The following SIPA1L3 variants were observed in gnomAD, a reference collection of about 807,000 sequenced individuals.
SIPA1L3 encodes the protein signal-induced proliferation-associated 1-like protein 3.
Under a neutral mutation model 150.1 loss-of-function variants are expected in SIPA1L3, and 59 were observed. The observed-to-expected ratio is 0.39, with a 90% CI of 0.32 to 0.49. The LOEUF (loss-of-function observed/expected upper bound fraction) is 0.49, where lower values mean the gene tolerates loss of function less well. Ranked by LOEUF, SIPA1L3 falls within the 20% of genes least tolerant of loss-of-function variation. SIPA1L3 has a pLI of 0.86. For missense variants in SIPA1L3, 2,211 were observed against 2,489.5 expected, an observed-to-expected ratio of 0.89 and a Z score of 2.38; for synonymous variants, 1,070 against 1,077.6, an observed-to-expected ratio of 0.99 and a Z score of 0.14.
intron 1 of SIPA1L3, among the ~76,000 whole-genome samples, chr19:37,995,429 A>T (rs1967613558): frequency 6.6e-6 from 1 of 152,104 alleles, no homozygotes; most frequent in African/African-American, 2.4e-5. Context: ...ATTCCCACAG[A>T]GCCTGCAGTT....
chr19:37,977,522 G>GC (rs1967103304), intron 1 of SIPA1L3, among the ~76,000 whole-genome samples: 1 of 152,150 alleles, frequency 6.6e-6, no homozygotes, highest in Non-Finnish European at 1.5e-5. Flanking sequence ...GCAAGAGGAA[G>GC]CCATTGGCCC....
chr19:37,918,916 A>AAAT (rs2046435551), intron 1 of SIPA1L3, among the ~76,000 whole-genome samples: 1 of 109,556 alleles, frequency 9.1e-6, no homozygotes, highest in Non-Finnish European at 1.8e-5. Context: ...ATAAATAAAT[A>AAAT]AACAAACTGC....
At chr19:38,093,880 G>T (rs779855040) in intron 4 of SIPA1L3, among the ~76,000 whole-genome samples, 1 of 152,190 alleles carries the variant, frequency 6.6e-6, no homozygotes, top group African/African-American at 2.4e-5. Context: ...GCCTGGACAG[G>T]GTGAGCGCCA....
At chr19:37,959,317 C>T (rs2046837354) in intron 1 of SIPA1L3, among the ~76,000 whole-genome samples, 1 of 152,040 alleles carries the variant, frequency 6.6e-6, no homozygotes, top group Non-Finnish European at 1.5e-5. Context: ...CGATATAGAC[C>T]CACAATGGTA....
intron 1 of SIPA1L3, among the ~76,000 whole-genome samples, chr19:37,983,160 CAT>C (rs575285380): frequency 1.4e-3 from 211 of 152,300 alleles, no homozygotes; most frequent in South Asian, 2.3e-3. Context: ...ATAAATGACT[CAT>C]GTGATGGAAC....
chr19:37,919,705 C>CTTTTTTT (rs10644508), intron 1 of SIPA1L3, among the ~76,000 whole-genome samples: 12 of 84,242 alleles, frequency 1.4e-4, no homozygotes, highest in African/African-American at 3.5e-4. Context: ...GGCCCTGAGG[C>CTTTTTTT]TTTTTTTTTT....
At chr19:38,076,732 C>T (rs1277238552) in intron 2 of SIPA1L3, among the ~76,000 whole-genome samples, 2 of 152,100 alleles carry the variant, frequency 1.3e-5, no homozygotes, top group East Asian at 1.9e-4. Context: ...TATGTGCCAT[C>T]GATGGAGATC....
intron 1 of SIPA1L3, among the ~76,000 whole-genome samples, chr19:37,916,726 G>C (rs2046418014): frequency 6.6e-6 from 1 of 152,110 alleles, no homozygotes; most frequent in Admixed American, 6.6e-5. Context: ...TTGGGAGGCT[G>C]ACGCGGGTGG....
chr19:38,043,567 G>A (rs554351746), intron 2 of SIPA1L3, among the ~76,000 whole-genome samples: 8 of 152,284 alleles, frequency 5.3e-5, no homozygotes, highest in African/African-American at 1.9e-4. Flanking sequence ...AACACATCAG[G>A]CCCAAGAGGT....
At chr19:38,068,452 A>T (rs1179072617) in intron 2 of SIPA1L3, among the ~76,000 whole-genome samples, 2 of 152,206 alleles carry the variant, frequency 1.3e-5, no homozygotes, top group Admixed American at 6.5e-5. Flanking sequence ...CACTCATTTG[A>T]ACGATTTCAT....
At position 38,081,958 on chromosome 19, in the gene SIPA1L3, T is replaced by C. The variant is rs757204097; in HGVS notation, c.393T>C (p.Ala131=). Residue 131 remains alanine, a synonymous_variant, in exon 3 of 22, where the codon GCT becomes GCC. Transcript: ENST00000222345. ...GACAGCCCCCCACCAGCACCCCGGC[T>C]TCCTCAGGGTCCAAAGCCTTCCACC... ...QNGQPPTSTP[A]SSGSKAFHRL... The C allele has an allele frequency of 8.1e-6, 13 of 1,613,920 alleles. No individual in the cohort carries two copies. The African/African-American group carries it at 9.3e-5, about 12-fold the overall frequency.
At chr19:38,063,086 A>G (rs1969486708) in intron 2 of SIPA1L3, among the ~76,000 whole-genome samples, 1 of 152,142 alleles carries the variant, frequency 6.6e-6, no homozygotes, top group African/African-American at 2.4e-5. Flanking sequence ...CTTCAGTGCA[A>G]TGGTTTGTGT....
At chr19:37,966,616 A>G (rs1306730894) in intron 1 of SIPA1L3, among the ~76,000 whole-genome samples, 2 of 152,130 alleles carry the variant, frequency 1.3e-5, no homozygotes, top group African/African-American at 4.8e-5. Context: ...CCTGCCAGCC[A>G]TCTGGGATGG....
rs552036744 is a variant in SIPA1L3, at chr19:37,994,478, C to T, written c.-378-34611C>T. 2.6e-5 allele frequency among the ~76,000 whole-genome samples: 4 copies of T among 152,202 alleles called. No homozygotes were observed. The South Asian group carries it at 8.3e-4, about 32-fold the overall frequency. ...TCCCTCAGGAGGTTGCTGAGCTGTT[C>T]GGCCCCCTTTGCCTCTCTCCTCCTT... On this transcript the variant is annotated intron_variant, in intron 1 of 21. Coordinates refer to ENST00000222345, the MANE Select transcript of SIPA1L3 (RefSeq NM_015073.3).
At chr19:38,030,803 G>C (rs1036158218) in intron 2 of SIPA1L3, among the ~76,000 whole-genome samples, 12 of 152,090 alleles carry the variant, frequency 7.9e-5, no homozygotes, top group African/African-American at 2.9e-4. Flanking sequence ...TGTCATTTCA[G>C]TTTGCAGTGA....
intron 13 of SIPA1L3, 133 bp downstream of exon 13, chr19:38,153,100 A>G (rs927371010): frequency 1.7e-6 from 2 of 1,181,794 alleles, no homozygotes; most frequent in African/African-American, 3.1e-5. Flanking sequence ...TAAGCGCCAC[A>G]TGTAAGACTA....
intron 1 of SIPA1L3, among the ~76,000 whole-genome samples, chr19:37,999,826 A>T: frequency 6.6e-6 from 1 of 152,130 alleles, no homozygotes; most frequent in East Asian, 1.9e-4. Flanking sequence ...GGCGATAGGG[A>T]CACTGGGAAC....
chr19:38,196,529 A>C (rs1012664802), intron 18 of SIPA1L3, among the ~76,000 whole-genome samples: 2 of 150,154 alleles, frequency 1.3e-5, no homozygotes, highest in Admixed American at 1.3e-4. Flanking sequence ...CATGGAGGTC[A>C]AGGGCAGAGC....
chr19:38,090,330 CAAAA>C (rs55941671), intron 4 of SIPA1L3, among the ~76,000 whole-genome samples: 1 of 70,352 alleles, frequency 1.4e-5, no homozygotes, highest in Non-Finnish European at 3.0e-5. Context: ...AACTCCATCT[CAAAA>C]AAAAAAAAAA....
Sources: allele counts gnomAD v4.1 joint callset (sites outside exome capture counted in the v4.1 genomes callset), GRCh38; gene constraint gnomAD v4.1.1; transcripts MANE v1.5; gene names NCBI Gene and HGNC (gene_info 2026-07-23, HGNC 2026-07-21).